Variants in CSMD3 observed in about 807,000 individuals in gnomAD.
The protein encoded by CSMD3 is CUB and Sushi multiple domains 3.
Under a neutral mutation model 435.2 loss-of-function variants are expected in CSMD3, and 177 were observed. That is an observed-to-expected ratio of 0.41 (90% CI 0.36 to 0.46). The LOEUF is 0.46. Among genes scored for constraint, CSMD3 ranks in the 20% least tolerant of loss-of-function variants. CSMD3 has a pLI of 0.34. For synonymous variants in CSMD3, 1,656 were observed against 1,520.5 expected, an observed-to-expected ratio of 1.09 and a Z score of -2.07; for missense variants, 4,265 against 4,504.6, an observed-to-expected ratio of 0.95 and a Z score of 1.52.
intron 1 of CSMD3, among the ~76,000 whole-genome samples, chr8:113,430,539 G>A (rs961413127): frequency 4.6e-5 from 7 of 152,146 alleles, no homozygotes; most frequent in African/African-American, 1.2e-4. Context: ...GGACTTACCT[G>A]GATGACTTGT....
chr8:112,568,574 G>T (rs1358809180), intron 24 of CSMD3, among the ~76,000 whole-genome samples: 3 of 149,708 alleles, frequency 2.0e-5, no homozygotes, highest in African/African-American at 7.4e-5. Flanking sequence ...AAAAAAAAAA[G>T]AAAAGAAAAG....
chr8:112,790,423 A>T (rs942588726), intron 13 of CSMD3, among the ~76,000 whole-genome samples: 3 of 152,082 alleles, frequency 2.0e-5, no homozygotes, highest in African/African-American at 7.2e-5. Flanking sequence ...TTCAAAAAAA[A>T]AAAATCAGTT....
At chr8:112,413,157 C>T (rs538891129) in intron 32 of CSMD3, among the ~76,000 whole-genome samples, 1 of 152,204 alleles carries the variant, frequency 6.6e-6, no homozygotes, top group African/African-American at 2.4e-5. Flanking sequence ...ATTGCTATAA[C>T]CTTTATCCCA....
rs778354356 is a variant in CSMD3, at chr8:112,281,237, C to T, written c.9445G>A (p.Gly3149Arg). The change falls in exon 59 of 71, where the codon GGA (glycine) becomes AGA (arginine). Residue 3149 changes from glycine to arginine, a missense_variant. Coordinates refer to ENST00000297405, the MANE Select transcript of CSMD3 (RefSeq NM_198123.2). ...YSCMEGYILS[G>R]PSVRQCTANG... ...GCTGTGCACTGTCTAACTGAAGGTC[C>T]AGAAAGGATGTATCCCTCCATGCAG... 5.6e-6 allele frequency: 9 copies of T among 1,613,306 alleles called. No homozygotes were observed. The highest frequency in any genetic ancestry group is 3.3e-5 in the South Asian group (3 of 91,076).
intron 1 of CSMD3, among the ~76,000 whole-genome samples, chr8:113,329,878 T>A (rs927269904): frequency 6.6e-6 from 1 of 151,856 alleles, no homozygotes; most frequent in Non-Finnish European, 1.5e-5. Flanking sequence ...AATAATGACA[T>A]TTGAAAAAAA....
chr8:112,511,545 A>C (rs1823137921), intron 28 of CSMD3, among the ~76,000 whole-genome samples: 1 of 151,792 alleles, frequency 6.6e-6, no homozygotes, highest in Non-Finnish European at 1.5e-5. Flanking sequence ...GCCTGCCACC[A>C]TGCCTGGCTA....
chr8:113,184,508 AGGAGTT>A (rs1164898842), intron 3 of CSMD3, among the ~76,000 whole-genome samples: 1 of 152,026 alleles, frequency 6.6e-6, no homozygotes, highest in Non-Finnish European at 1.5e-5. Flanking sequence ...TAAGGATTTT[AGGAGTT>A]GTATGCCAAA....
intron 22 of CSMD3, among the ~76,000 whole-genome samples, chr8:112,591,641 T>G (rs1831201839): frequency 6.6e-6 from 1 of 152,114 alleles, no homozygotes; most frequent in African/African-American, 2.4e-5. Context: ...TTCAAAAAAC[T>G]TAGAATGTTT....
chr8:112,249,391 T>C (rs553397083), intron 63 of CSMD3, among the ~76,000 whole-genome samples: 6 of 152,174 alleles, frequency 3.9e-5, no homozygotes, highest in African/African-American at 1.4e-4. Context: ...CTCCAGAGTT[T>C]CGTACTCAGT....
At chr8:112,692,853 ATTTTAT>A (rs2076165976) in intron 13 of CSMD3, among the ~76,000 whole-genome samples, 1 of 152,050 alleles carries the variant, frequency 6.6e-6, no homozygotes. Context: ...TAATTCTTCT[ATTTTAT>A]TTTTAGTTAT....
rs35559030 is a variant in CSMD3 at position 113,285,261 on chromosome 8, C to CA, written c.402-6558_402-6557insT. 1.7e-4 allele frequency among the ~76,000 whole-genome samples: 22 copies of CA among 128,146 alleles called. No homozygotes were observed. In the East Asian group the frequency reaches 5.2e-3, roughly 30 times the overall value. The allele number at this position is 128,146 out of a possible 152,430, so 84.1% of individuals were successfully genotyped here. Reference sequence around the variant, plus strand: ...CCATTGTCTGACTAGTTGGTGACAGCTTTTTTTTTTTTTTTTTTGACAGAG... The same window carrying CA: ...CCATTGTCTGACTAGTTGGTGACAGCATTTTTTTTTTTTTTTTTTGACAGAG... On this transcript the variant is annotated intron_variant, in intron 2 of 70. Coordinates refer to ENST00000297405, the MANE Select transcript of CSMD3 (RefSeq NM_198123.2).
intron 32 of CSMD3, among the ~76,000 whole-genome samples, chr8:112,409,604 C>A (rs887793242): frequency 6.6e-6 from 1 of 151,722 alleles, no homozygotes; most frequent in Non-Finnish European, 1.5e-5. Flanking sequence ...TAATCTTCTG[C>A]CAAAATAAAG....
chr8:112,977,327 T>C (rs1321863038), intron 6 of CSMD3, among the ~76,000 whole-genome samples: 1 of 152,046 alleles, frequency 6.6e-6, no homozygotes, highest in Admixed American at 6.6e-5. Flanking sequence ...GTATATGTTT[T>C]TATACACTTT....
chr8:112,484,320 A>G (rs948119074), intron 31 of CSMD3, among the ~76,000 whole-genome samples: 1 of 152,204 alleles, frequency 6.6e-6, no homozygotes, highest in African/African-American at 2.4e-5. Context: ...AGTAGAAATT[A>G]TAGATTTTTT....
At chr8:113,272,082 C>G (rs2093532445) in intron 3 of CSMD3, among the ~76,000 whole-genome samples, 2 of 152,094 alleles carry the variant, frequency 1.3e-5, no homozygotes, top group Admixed American at 6.6e-5. Context: ...AATACCTGTA[C>G]CCCCATTGTA....
intron 3 of CSMD3, among the ~76,000 whole-genome samples, chr8:113,215,157 T>A (rs2092888197): frequency 6.6e-6 from 1 of 151,858 alleles, no homozygotes; most frequent in South Asian, 2.1e-4. Context: ...CTTACTGATA[T>A]ATTTGCTTTG....
chr8:113,393,168 A>G (rs1422577393), intron 1 of CSMD3, among the ~76,000 whole-genome samples: 1 of 151,942 alleles, frequency 6.6e-6, no homozygotes, highest in Admixed American at 6.6e-5. Flanking sequence ...CTCATGTCCT[A>G]TACTTTATTA....
chr8:112,603,738 T>C (rs1832566706), intron 22 of CSMD3, among the ~76,000 whole-genome samples: 1 of 152,190 alleles, frequency 6.6e-6, no homozygotes, highest in South Asian at 2.1e-4. Flanking sequence ...GGTTCATCTG[T>C]GAGTTCTTTC....
At chr8:112,295,190 A>G (rs1038543894) in intron 54 of CSMD3, among the ~76,000 whole-genome samples, 1 of 152,142 alleles carries the variant, frequency 6.6e-6, no homozygotes, top group Admixed American at 6.6e-5. Flanking sequence ...TTAAAAATGC[A>G]ATGCATTTTG....
Sources: gnomAD v4.1 joint callset for allele counts (sites outside exome capture counted in the v4.1 genomes callset) on GRCh38, gnomAD v4.1.1 for gene constraint, MANE v1.5 for transcripts, NCBI Gene and HGNC (gene_info 2026-07-23, HGNC 2026-07-21) for gene names.